TMEM132B: variants seen among roughly 807,000 people sequenced by gnomAD.
TMEM132B encodes the protein transmembrane protein 132B.
Under a neutral mutation model 90.8 loss-of-function variants are expected in TMEM132B, and 18 were observed. That is an observed-to-expected ratio of 0.20 (90% confidence interval 0.14 to 0.29). TMEM132B has a LOEUF of 0.29. TMEM132B is among the 10% of genes least tolerant of loss of function. The probability of loss-of-function intolerance (pLI) is 1.00; values close to 1 mark genes in which losing one functional copy is unlikely to be tolerated. For missense variants in TMEM132B, 1,096 were observed against 1,326.8 expected, an observed-to-expected ratio of 0.83 and a Z score of 2.70; for synonymous variants, 504 against 523.3, an observed-to-expected ratio of 0.96 and a Z score of 0.50.
At chr12:125,497,298 A>T (rs1426771626) in intron 3 of TMEM132B, among the ~76,000 whole-genome samples, 1 of 152,240 alleles carries the variant, frequency 6.6e-6, no homozygotes, top group Non-Finnish European at 1.5e-5. Context: ...TTTCAACTGA[A>T]GGATGCCATT....
intron 1 of TMEM132B, among the ~76,000 whole-genome samples, chr12:125,286,606 A>G (rs1005547023): frequency 2.0e-5 from 3 of 151,154 alleles, no homozygotes; most frequent in Non-Finnish European, 4.4e-5. Flanking sequence ...ATTATTTTAT[A>G]TAATAGTTCT....
intron 1 of TMEM132B, among the ~76,000 whole-genome samples, chr12:125,324,696 A>G (rs142382249): frequency 2.6e-5 from 4 of 152,312 alleles, no homozygotes; most frequent in African/African-American, 9.6e-5. Context: ...TTATGACGTG[A>G]AACAGTTTCA....
At chr12:125,651,535 T>G (rs1886920758) in intron 7 of TMEM132B, among the ~76,000 whole-genome samples, 2 of 152,212 alleles carry the variant, frequency 1.3e-5, no homozygotes, top group Admixed American at 1.3e-4. Context: ...TAAGTCAGAT[T>G]TTATTGTAGC....
chr12:125,576,888 G>T (rs1278816873), intron 4 of TMEM132B, among the ~76,000 whole-genome samples: 2 of 151,342 alleles, frequency 1.3e-5, no homozygotes, highest in African/African-American at 2.4e-5. Flanking sequence ...TTGCGTGTGT[G>T]TGTGGCAGGG....
At chr12:125,503,230 C>A (rs1009242435) in intron 3 of TMEM132B, among the ~76,000 whole-genome samples, 1 of 152,180 alleles carries the variant, frequency 6.6e-6, no homozygotes, top group Non-Finnish European at 1.5e-5. Context: ...CTCCCCTCCC[C>A]GGGCTGTGCT....
intron 1 of TMEM132B, among the ~76,000 whole-genome samples, chr12:125,276,175 C>T (rs1874980268): frequency 6.6e-6 from 1 of 152,188 alleles, no homozygotes; most frequent in Non-Finnish European, 1.5e-5. Context: ...ATATAGTTTA[C>T]ATCTGTTGGA....
At chr12:125,420,161 T>C (rs1880129612) in intron 3 of TMEM132B, among the ~76,000 whole-genome samples, 1 of 152,178 alleles carries the variant, frequency 6.6e-6, no homozygotes, top group Admixed American at 6.5e-5. Context: ...ACAGTAGCCC[T>C]CTTCTCACAG....
intron 1 of TMEM132B, among the ~76,000 whole-genome samples, chr12:125,250,233 A>G (rs1044168156): frequency 3.3e-5 from 5 of 152,274 alleles, no homozygotes; most frequent in Admixed American, 2.6e-4. Flanking sequence ...TGAGTGCTGC[A>G]GACAAGGTCC....
intron 3 of TMEM132B, among the ~76,000 whole-genome samples, chr12:125,505,830 A>C (rs1882833194): frequency 6.6e-6 from 1 of 152,238 alleles, no homozygotes; most frequent in South Asian, 2.1e-4. Flanking sequence ...AACATTGACA[A>C]TGTTAATTAA....
intron 1 of TMEM132B, among the ~76,000 whole-genome samples, chr12:125,276,910 A>T (rs1026145498): frequency 6.6e-6 from 1 of 152,222 alleles, no homozygotes; most frequent in Non-Finnish European, 1.5e-5. Flanking sequence ...CCGGCAATCC[A>T]ATTTGGGCAT....
At chr12:125,398,688 C>T (rs921038775) in intron 2 of TMEM132B, among the ~76,000 whole-genome samples, 3 of 152,192 alleles carry the variant, frequency 2.0e-5, no homozygotes, top group Non-Finnish European at 4.4e-5. Context: ...CTGATGCTTA[C>T]ATATTGGCTA....
At chr12:125,651,089 G>A in intron 7 of TMEM132B, 136 bp downstream of exon 7, 1 of 1,217,158 alleles carries the variant, frequency 8.2e-7, no homozygotes, top group South Asian at 1.5e-5. Context: ...TGCATGTATT[G>A]CCTCTGTTTG....
chr12:125,622,315 T>G (rs928778488), intron 5 of TMEM132B: 1 of 199,258 alleles, frequency 5.0e-6, no homozygotes, highest in Non-Finnish European at 9.0e-6. Context: ...TACACTGGAA[T>G]AGTATGTTAG....
chr12:125,550,677 A>C (rs1371281973), intron 4 of TMEM132B, among the ~76,000 whole-genome samples: 1 of 152,232 alleles, frequency 6.6e-6, no homozygotes, highest in Non-Finnish European at 1.5e-5. Context: ...TATTAAGTGT[A>C]TCTAAGAGTA....
At chr12:125,644,361 A>G in intron 6 of TMEM132B, 80 bp downstream of exon 6, 3 of 1,495,794 alleles carry the variant, frequency 2.0e-6, no homozygotes, top group Admixed American at 3.9e-5. Context: ...GCCCTCAGGG[A>G]CTCAAGCCAT....
chr12:125,263,079 T>G (rs894679829), intron 1 of TMEM132B, among the ~76,000 whole-genome samples: 1 of 152,272 alleles, frequency 6.6e-6, no homozygotes, highest in Non-Finnish European at 1.5e-5. Flanking sequence ...TGCTCGTTCC[T>G]TCTCAAGTAA....
intron 1 of TMEM132B, among the ~76,000 whole-genome samples, chr12:125,287,637 A>G (rs894846762): frequency 8.5e-5 from 13 of 152,292 alleles, no homozygotes; most frequent in South Asian, 2.1e-4. Flanking sequence ...AACGCAAACC[A>G]CAGAATGATG....
chr12:125,187,609 C>T (rs1957767738), intron 1 of TMEM132B, among the ~76,000 whole-genome samples: 1 of 152,234 alleles, frequency 6.6e-6, no homozygotes, highest in South Asian at 2.1e-4. Context: ...GAGCTGGACT[C>T]CCTGCTGAAC....
chr12:125,395,732 G>T (rs76257566), intron 2 of TMEM132B, among the ~76,000 whole-genome samples: 1,737 of 152,310 alleles, frequency 0.011, 18 homozygotes, highest in Non-Finnish European at 0.018. Flanking sequence ...TTCCTGGCTC[G>T]TGTAATTGAA....
Sources: allele counts gnomAD v4.1 joint callset (sites outside exome capture counted in the v4.1 genomes callset), GRCh38; gene constraint gnomAD v4.1.1; transcripts MANE v1.5; gene names NCBI Gene and HGNC (gene_info 2026-07-23, HGNC 2026-07-21).